Variants in WDFY2 observed in about 807,000 individuals in gnomAD.
WDFY2 encodes WD repeat and FYVE domain-containing protein 2.
In WDFY2, 36 loss-of-function variants were observed where a neutral mutation model predicts 56.4. The ratio of observed to expected loss-of-function variants is 0.64; its 90% CI spans 0.49 to 0.84. The LOEUF is 0.84. WDFY2 is among the 40% of genes least tolerant of loss of function. WDFY2 has a pLI of 0.00. For synonymous variants in WDFY2, 176 were observed against 183.7 expected (o/e 0.96, Z 0.34); for missense variants, 444 against 512.2 (o/e 0.87, Z 1.29).
At chr13:51,651,911 T>C (rs753639490) in intron 1 of WDFY2, among the ~76,000 whole-genome samples, 2 of 152,206 alleles carry the variant, frequency 1.3e-5, no homozygotes, top group Non-Finnish European at 2.9e-5. Context: ...AGATGTCTAT[T>C]AGGTCCGCTT....
chr13:51,700,156 G>A (rs915809730), intron 3 of WDFY2, among the ~76,000 whole-genome samples: 2 of 152,148 alleles, frequency 1.3e-5, no homozygotes, highest in Non-Finnish European at 2.9e-5. Context: ...AAGACATGGA[G>A]GGATACGCCA....
intron 1 of WDFY2, among the ~76,000 whole-genome samples, chr13:51,613,553 G>A (rs1364140674): frequency 2.6e-5 from 4 of 152,020 alleles, no homozygotes; most frequent in Non-Finnish European, 5.9e-5. Flanking sequence ...CTTTCCCTGG[G>A]CACATTCTGT....
At chr13:51,720,819 C>T (rs1010617165) in intron 5 of WDFY2, among the ~76,000 whole-genome samples, 2 of 152,040 alleles carry the variant, frequency 1.3e-5, no homozygotes, top group Non-Finnish European at 2.9e-5. Flanking sequence ...GGCAGAGGAG[C>T]TCTCTGTGGC....
Position 51,759,738 on chromosome 13 carries a change from A to G in WDFY2, c.1174-2A>G, listed in dbSNP as rs965814821. ...TTCTGTATCTTCTTTTTCTTTTTGC[A>G]GTTGTGGGATATGACCCCAGTCGTG... On this transcript the variant is annotated splice_acceptor_variant, in intron 11 of 11. Transcript: ENST00000298125. LOFTEE classifies it high-confidence loss of function. The G allele has an allele frequency of 6.2e-7, 1 of 1,613,640 alleles. No homozygotes were observed. Among genetic ancestry groups the G allele is most frequent in the East Asian group, 2.2e-5 (1 of 44,898 alleles).
Position 51,761,978 on chromosome 13 carries a change from G to C in WDFY2, c.*2209G>C, listed in dbSNP as rs1953598297. 1 of 152,196 alleles carries C rather than the reference G, an allele frequency of 6.6e-6. No homozygotes were observed. The highest frequency in any genetic ancestry group is 6.5e-5 in the Admixed American group (1 of 15,280). 9.4% of individuals were successfully genotyped at this position (152,196 alleles called of 1,614,324 possible). A position where few individuals can be genotyped will look rare whatever the true frequency, so the allele number is the denominator to read the frequency against. On this transcript the variant is annotated 3_prime_UTR_variant, in exon 12 of 12. Coordinates refer to ENST00000298125, the MANE Select transcript of WDFY2 (RefSeq NM_052950.4). ...GTTGTAACTACTTTGAGTCTTTTCTGCATGATTGCTCTTTGAGAGAACTTT... is the reference window on the plus strand; with the variant it reads ...GTTGTAACTACTTTGAGTCTTTTCTCCATGATTGCTCTTTGAGAGAACTTT...
At position 51,703,191 on chromosome 13, in the gene WDFY2, A is replaced by C. The variant is rs987964950; in HGVS notation, c.280-405A>C. 2.0e-5 allele frequency among the ~76,000 whole-genome samples: 3 copies of C among 152,374 alleles called. No individual in the cohort carries two copies. The South Asian group carries it at 6.2e-4, about 32-fold the overall frequency. On this transcript the variant is annotated intron_variant, in intron 3 of 11. Coordinates refer to ENST00000298125, the MANE Select transcript of WDFY2 (RefSeq NM_052950.4). The stretch of plus-strand genomic sequence containing the variant: ...GGGAAATAAATTACTAATCTTAGAA[A>C]AATAATCTTTAAAATATCTAATTTA...
chr13:51,701,520 CAAAAAAAAAA>C (rs368134096), intron 3 of WDFY2, among the ~76,000 whole-genome samples: 1 of 79,572 alleles, frequency 1.3e-5, no homozygotes, highest in African/African-American at 5.8e-5. Context: ...GATTCCATCT[CAAAAAAAAAA>C]AAAAAAAAAG....
intron 1 of WDFY2, among the ~76,000 whole-genome samples, chr13:51,636,911 C>A (rs1373609938): frequency 6.6e-6 from 1 of 152,186 alleles, no homozygotes; most frequent in Non-Finnish European, 1.5e-5. Flanking sequence ...GATCTTCGAT[C>A]CATACCTCAT....
intron 4 of WDFY2, among the ~76,000 whole-genome samples, chr13:51,704,345 TATC>T (rs1223120274): frequency 6.6e-6 from 1 of 152,244 alleles, no homozygotes; most frequent in African/African-American, 2.4e-5. Flanking sequence ...TTTTCTCACA[TATC>T]ATTCATCAAA....
chr13:51,690,126 G>C (rs1236887562), intron 3 of WDFY2, among the ~76,000 whole-genome samples: 2 of 150,932 alleles, frequency 1.3e-5, no homozygotes, highest in Non-Finnish European at 3.0e-5. Flanking sequence ...TAATACATTT[G>C]CTATTGTTAT....
intron 4 of WDFY2, among the ~76,000 whole-genome samples, chr13:51,717,837 A>G (rs1227953885): frequency 3.3e-5 from 5 of 152,088 alleles, no homozygotes; most frequent in Non-Finnish European, 7.4e-5. Flanking sequence ...AGATTCTCCA[A>G]GCTTCAAATA....
At chr13:51,696,716 G>A (rs567118756) in intron 3 of WDFY2, among the ~76,000 whole-genome samples, 2 of 152,194 alleles carry the variant, frequency 1.3e-5, no homozygotes, top group African/African-American at 4.8e-5. Flanking sequence ...TGTAAGTAAA[G>A]CCTTAAAAAA....
intron 4 of WDFY2, among the ~76,000 whole-genome samples, chr13:51,718,906 A>G (rs1352237190): frequency 2.0e-5 from 3 of 152,198 alleles, no homozygotes; most frequent in Non-Finnish European, 2.9e-5. Flanking sequence ...CTTTGGTTAC[A>G]GGAGCTATGT....
At chr13:51,600,564 C>T (rs1164205898) in intron 1 of WDFY2, among the ~76,000 whole-genome samples, 1 of 152,190 alleles carries the variant, frequency 6.6e-6, no homozygotes, top group Non-Finnish European at 1.5e-5. Context: ...AGAGATTGAT[C>T]TCAGACTCCC....
intron 1 of WDFY2, among the ~76,000 whole-genome samples, chr13:51,635,118 A>G (rs145348865): frequency 3.1e-3 from 465 of 150,614 alleles, no homozygotes; most frequent in African/African-American, 0.011. Flanking sequence ...TTTTTTTTGT[A>G]TTTTTAGTAG....
chr13:51,692,735 T>C (rs1381596580), intron 3 of WDFY2, among the ~76,000 whole-genome samples: 3 of 152,214 alleles, frequency 2.0e-5, no homozygotes, highest in Non-Finnish European at 2.9e-5. Flanking sequence ...GATTCCCTCT[T>C]TTTCTATTGA....
At chr13:51,693,085 T>G (rs1441714427) in intron 3 of WDFY2, among the ~76,000 whole-genome samples, 1 of 152,176 alleles carries the variant, frequency 6.6e-6, no homozygotes, top group East Asian at 1.9e-4. Flanking sequence ...TCTTCTCTCT[T>G]TTTTTCTTTA....
intron 6 of WDFY2, among the ~76,000 whole-genome samples, chr13:51,736,554 G>A (rs1490041571): frequency 1.3e-5 from 2 of 152,160 alleles, no homozygotes; most frequent in African/African-American, 2.4e-5. Context: ...GTGCAGTGGC[G>A]TGATCTCTGC....
chr13:51,763,983 C>A lies in WDFY2; in HGVS notation c.*4214C>A, dbSNP rs1953669439. 1 of 152,124 alleles carries A rather than the reference C, an allele frequency of 6.6e-6. No homozygotes were observed. The highest frequency in any genetic ancestry group is 1.5e-5 in the Non-Finnish European group (1 of 68,020). The allele number at this position is 152,124 out of a possible 1,614,324, so 9.4% of individuals were successfully genotyped here. On this transcript the variant is annotated 3_prime_UTR_variant, in exon 12 of 12. Transcript: ENST00000298125. ...TTAATTCTATGTCAGTGTTCTTGTT[C>A]ACTAAGATATTTCGAAGTGAGAGAA... is the stretch of plus-strand genomic sequence containing the variant.
Sources: allele counts gnomAD v4.1 joint callset (sites outside exome capture counted in the v4.1 genomes callset), GRCh38; gene constraint gnomAD v4.1.1; transcripts MANE v1.5; gene names NCBI Gene and HGNC (gene_info 2026-07-23, HGNC 2026-07-21).